Variants in TNFRSF10A observed in about 807,000 individuals in gnomAD.
The protein encoded by TNFRSF10A is tumor necrosis factor receptor superfamily member 10A.
In TNFRSF10A, 44 loss-of-function variants were observed where a neutral mutation model predicts 42.8. The ratio of observed to expected loss-of-function variants is 1.03; its 90% confidence interval spans 0.81 to 1.32. TNFRSF10A has a LOEUF of 1.32. Ranked by LOEUF, TNFRSF10A falls within the 40% of genes most tolerant of loss-of-function variation. The pLI is 0.00. For missense variants in TNFRSF10A, 680 were observed against 602.0 expected, an observed-to-expected ratio of 1.13 and a Z score of -1.36; for synonymous variants, 259 against 234.2, an observed-to-expected ratio of 1.11 and a Z score of -0.97.
Position 23,200,506 on chromosome 8 carries a change from T to G in TNFRSF10A, c.798A>C (p.Ser266=), listed in dbSNP as rs1263760856. ...CCCTTGCCCTCAGCCAGCACCTACC[T>G]GAGCCGATGCAACAACAGACAATCA... ...AVLIVCCCIG[S]GCGGDPKCMD... Residue 266 remains serine (S), a splice_region_variant and synonymous_variant, in exon 6 of 10, where the codon TCA becomes TCC. Coordinates refer to ENST00000221132, the MANE Select transcript of TNFRSF10A (RefSeq NM_003844.4). The G allele has an allele frequency of 3.7e-6, 6 of 1,614,146 alleles. 1 individual carries two copies. The South Asian group carries it at 4.4e-5, about 12-fold the overall frequency.
chr8:23,191,975 G>A lies in TNFRSF10A; in HGVS notation c.1126C>T (p.Pro376Ser), dbSNP rs755677009. 4.3e-6 allele frequency: 7 copies of A among 1,613,994 alleles called. No individual in the cohort carries two copies. Among genetic ancestry groups the A allele is most frequent in the Non-Finnish European group, 5.9e-6 (7 of 1,180,050 alleles). Residue 376 changes from proline (P) to serine (S), a missense_variant, in exon 10 of 10, where the codon CCC (proline) becomes TCC (serine). Coordinates refer to ENST00000221132, the MANE Select transcript of TNFRSF10A (RefSeq NM_003844.4). The stretch of plus-strand genomic sequence containing the variant: ...ATGAGCTGGTCCCAGGAGTCAAAGG[G>A]CACGATGTTTGCAAACTTGTCAAAG... Reference protein sequence around the residue: ...LFFDKFANIVPFDSWDQLMRQ... With the variant: ...LFFDKFANIVSFDSWDQLMRQ...
At chr8:23,215,097 A>G (rs947132487) in intron 1 of TNFRSF10A, among the ~76,000 whole-genome samples, 1 of 152,214 alleles carries the variant, frequency 6.6e-6, no homozygotes, top group Admixed American at 6.5e-5. Flanking sequence ...ACTCAAGTGT[A>G]TAAGGGTGAT....
intron 1 of TNFRSF10A, among the ~76,000 whole-genome samples, chr8:23,221,190 C>G (rs1387595562): frequency 1.3e-5 from 2 of 152,164 alleles, no homozygotes; most frequent in Non-Finnish European, 2.9e-5. Flanking sequence ...TGACTGACAC[C>G]AGCCCTGAGC....
intron 8 of TNFRSF10A, among the ~76,000 whole-genome samples, chr8:23,198,376 G>C (rs1205690686): frequency 6.6e-6 from 1 of 152,154 alleles, no homozygotes; most frequent in Admixed American, 6.5e-5. Context: ...AGTGAGCAAT[G>C]AAAAGGTAAA....
chr8:23,191,738 T>C lies in TNFRSF10A; in HGVS notation c.1363A>G (p.Ile455Val). 6.2e-7 allele frequency: 1 copy of C among 1,614,222 alleles called. No individual in the cohort carries two copies. Among genetic ancestry groups the C allele is most frequent in the Non-Finnish European group, 8.5e-7 (1 of 1,180,044 alleles). ...GAGCCTGTGCCATCTTCTAAGTAGA[T>C]GAACTTTCCAGAGTCCACCAAGAGG... ...QDLLVDSGKF[I>V]YLEDGTGSAV... is the part of the protein sequence containing the mutation. Residue 455 changes from isoleucine (I) to valine (V), a missense_variant, in exon 10 of 10, where the codon ATC becomes GTC. Coordinates refer to ENST00000221132, the MANE Select transcript of TNFRSF10A (RefSeq NM_003844.4).
chr8:23,201,526 C>T (rs928009007), intron 4 of TNFRSF10A, among the ~76,000 whole-genome samples: 1 of 152,102 alleles, frequency 6.6e-6, no homozygotes, highest in East Asian at 1.9e-4. Flanking sequence ...AAGTCATGGC[C>T]TCCTGTGCCT....
chr8:23,191,597 G>A lies in TNFRSF10A; in HGVS notation c.*97C>T. 1 of 1,433,726 alleles carries A rather than the reference G, an allele frequency of 7.0e-7. No homozygotes were observed. The highest frequency in any genetic ancestry group is 9.1e-7 in the Non-Finnish European group (1 of 1,097,966). 88.8% of individuals were successfully genotyped at this position (1,433,726 alleles called of 1,614,324 possible). On this transcript the variant is annotated 3_prime_UTR_variant, in exon 10 of 10. Transcript: ENST00000221132. ...TTACAGGCATGAGCCACTACACCTG[G>A]CTAAGAATTTACTTTGTATACATGT...
chr8:23,213,788 T>G (rs1323245345), intron 1 of TNFRSF10A, among the ~76,000 whole-genome samples: 1 of 152,112 alleles, frequency 6.6e-6, no homozygotes, highest in African/African-American at 2.4e-5. Flanking sequence ...GGTAGATTGT[T>G]CATTTATTTC....
chr8:23,201,152 C>A (rs539280381), intron 4 of TNFRSF10A, among the ~76,000 whole-genome samples: 32 of 152,338 alleles, frequency 2.1e-4, no homozygotes, highest in African/African-American at 7.0e-4. Context: ...CCCTCGCCCC[C>A]ACCTGTCTGC....
chr8:23,213,436 CTTTTTTTTTTT>C (rs58691757), intron 1 of TNFRSF10A, among the ~76,000 whole-genome samples: 9 of 68,658 alleles, frequency 1.3e-4, no homozygotes, highest in Admixed American at 4.1e-4. Context: ...GTTTGCTCCT[CTTTTTTTTTTT>C]TTTTTTTTTT....
chr8:23,222,784 T>C (rs1489090857), intron 1 of TNFRSF10A, among the ~76,000 whole-genome samples: 3 of 152,152 alleles, frequency 2.0e-5, no homozygotes, highest in Non-Finnish European at 4.4e-5. Flanking sequence ...CCCTCCCACA[T>C]TCCCCCAGGA....
In TNFRSF10A at chr8:23,192,089, G is replaced by T. The variant is rs1800763475; in HGVS notation, c.1088-76C>A. On this transcript the variant is annotated intron_variant, in intron 9 of 9. Coordinates refer to ENST00000221132, the MANE Select transcript of TNFRSF10A (RefSeq NM_003844.4). The stretch of plus-strand genomic sequence containing the variant: ...GAAGGGGCAGAGGATCCCACATCAG[G>T]CCCAGAACCCAAGGAGAGAACCTGG... 1.5e-5 allele frequency: 23 copies of T among 1,530,716 alleles called. 1 individual carries two copies. The South Asian group carries it at 2.6e-4, about 18-fold the overall frequency. The allele number at this position is 1,530,716 out of a possible 1,614,324, so 94.8% of individuals were successfully genotyped here.
intron 2 of TNFRSF10A, among the ~76,000 whole-genome samples, chr8:23,209,295 C>A (rs897557091): frequency 6.6e-6 from 1 of 152,234 alleles, no homozygotes; most frequent in African/African-American, 2.4e-5. Context: ...TCTGCTAGGG[C>A]AGTGTGGAAG....
intron 2 of TNFRSF10A, among the ~76,000 whole-genome samples, chr8:23,203,244 C>T (rs1193017469): frequency 6.6e-6 from 1 of 152,132 alleles, no homozygotes; most frequent in Admixed American, 6.5e-5. Context: ...CCACCTGCAT[C>T]CCTGGAAACT....
chr8:23,220,131 T>A (rs2128851929), intron 1 of TNFRSF10A, among the ~76,000 whole-genome samples: 1 of 152,300 alleles, frequency 6.6e-6, no homozygotes, highest in Admixed American at 6.5e-5. Context: ...TTATCACAGA[T>A]ACCTGCCTGG....
Position 23,199,442 on chromosome 8 carries a change from AAC to A in TNFRSF10A, c.836_837del (p.Cys279PhefsTer13), listed in dbSNP as rs1164498886. 6.2e-6 allele frequency: 10 copies of A among 1,611,022 alleles called. No homozygotes were observed. Among genetic ancestry groups the A allele is most frequent in the Non-Finnish European group, 8.5e-6 (10 of 1,177,486 alleles). On this transcript the variant is annotated frameshift_variant, in exon 8 of 10. Coordinates refer to ENST00000221132, the MANE Select transcript of TNFRSF10A (RefSeq NM_003844.4). LOFTEE classifies it high-confidence loss of function. Reference protein sequence around the residue: ...GGDPKCMDRVCFWRLGLLRGP... With the variant: ...GGDPKCMDRVXFWRLGLLRGP... ...CCTCGTAGGAGACCCAAGCGCCAGA[AAC>A]ACACCTTAGGAAGGCAAAGAGCCAA...
At chr8:23,198,133 T>C (rs1800850366) in intron 8 of TNFRSF10A, among the ~76,000 whole-genome samples, 1 of 152,036 alleles carries the variant, frequency 6.6e-6, no homozygotes, top group Non-Finnish European at 1.5e-5. Flanking sequence ...ATTTAACCTG[T>C]GATTAAGGAG....
intron 9 of TNFRSF10A, among the ~76,000 whole-genome samples, chr8:23,193,418 G>T (rs1340704934): frequency 6.6e-6 from 1 of 152,202 alleles, no homozygotes; most frequent in East Asian, 1.9e-4. Flanking sequence ...ATCCAGACAG[G>T]TGATTGTCCT....
rs368250755 is a variant in TNFRSF10A at position 23,200,781 on chromosome 8, A to AGGGG, written c.630-25_630-22dup. ...GGCACCTGGGTACACACAGGGAGGG[A>AGGGG]GGGGGGGGACTCTTGATGGAAAGCT... On this transcript the variant is annotated intron_variant, in intron 4 of 9. Coordinates refer to ENST00000221132, the MANE Select transcript of TNFRSF10A (RefSeq NM_003844.4). The AGGGG allele has an allele frequency of 1.8e-5, 13 of 705,912 alleles. No homozygotes were observed. The African/African-American group carries it at 2.0e-4, about 11-fold the overall frequency. 43.7% of individuals were successfully genotyped at this position (705,912 alleles called of 1,614,324 possible). A position where few individuals can be genotyped will look rare whatever the true frequency, so the allele number is the denominator to read the frequency against.
Sources: allele counts gnomAD v4.1 joint callset (sites outside exome capture counted in the v4.1 genomes callset), GRCh38; gene constraint gnomAD v4.1.1; transcripts MANE v1.5; gene names NCBI Gene and HGNC (gene_info 2026-07-23, HGNC 2026-07-21).